Variants in TCF7L2 observed in about 807,000 individuals in gnomAD.
TCF7L2 encodes transcription factor 7-like 2.
A neutral mutation model predicts 77.9 loss-of-function variants in TCF7L2; 23 were observed. The observed-to-expected ratio is 0.30, with a 90% CI of 0.21 to 0.42. TCF7L2 has a LOEUF of 0.42. Ranked by LOEUF, TCF7L2 falls within the 10% of genes least tolerant of loss-of-function variation. The pLI is 1.00. For missense variants in TCF7L2, 654 were observed against 793.1 expected (o/e 0.82, Z 2.11); for synonymous variants, 413 against 340.2 (o/e 1.21, Z -2.36).
chr10:112,992,077 T>A lies in TCF7L2; in HGVS notation c.450+27453T>A, dbSNP rs1008272534. On this transcript the variant is annotated intron_variant, in intron 4 of 13. Transcript: ENST00000627217. ...GTCTGAACAAGAGCTCCGTTGTTCA[T>A]TCCCAGCCCTGTTACCCTGGCAGGA... is the stretch of plus-strand genomic sequence containing the variant. Among the ~76,000 whole-genome samples the A allele has an allele frequency of 3.1e-4, 47 of 152,188 alleles. 1 individual carries two copies. The highest frequency in any genetic ancestry group is 1.1e-3 in the African/African-American group (45 of 41,448).
intron 5 of TCF7L2, among the ~76,000 whole-genome samples, chr10:113,128,809 G>A (rs888888924): frequency 2.0e-5 from 3 of 152,102 alleles, no homozygotes; most frequent in Non-Finnish European, 4.4e-5. Flanking sequence ...ATGTCTGAGT[G>A]TCTCAACTCA....
intron 7 of TCF7L2, 41 bp downstream of exon 7, chr10:113,144,066 A>G (rs1293184385): frequency 6.7e-7 from 1 of 1,486,012 alleles, no homozygotes; most frequent in Admixed American, 1.7e-5. Flanking sequence ...TGTTTCTTAC[A>G]TGGGCATGTT....
At chr10:112,960,531 C>T (rs544545148) in intron 3 of TCF7L2, among the ~76,000 whole-genome samples, 2 of 152,146 alleles carry the variant, frequency 1.3e-5, no homozygotes, top group East Asian at 3.9e-4. Flanking sequence ...CTGGTGACTC[C>T]CTGGGTACTC....
At chr10:113,094,831 G>A (rs1158040648) in intron 5 of TCF7L2, among the ~76,000 whole-genome samples, 1 of 152,050 alleles carries the variant, frequency 6.6e-6, no homozygotes, top group Non-Finnish European at 1.5e-5. Context: ...CCAAAGTTCC[G>A]CTGTTGGCCG....
intron 4 of TCF7L2, among the ~76,000 whole-genome samples, chr10:112,997,543 G>T (rs1348170370): frequency 6.6e-6 from 1 of 152,208 alleles, no homozygotes. Flanking sequence ...GAGGCCCATT[G>T]GCCTTACTGG....
chr10:113,160,688 G>A lies in TCF7L2; in HGVS notation c.1388G>A (p.Cys463Tyr). ...CGACAGACTTTATGGTGCAAACCGTGCAGGTATATTACCACTGCGAGGCCT... is the reference window on the plus strand; with the variant it reads ...CGACAGACTTTATGGTGCAAACCGTACAGGTATATTACCACTGCGAGGCCT... The change falls in exon 13 of 14, where the codon TGC becomes TAC. Residue 463 changes from cysteine to tyrosine, a missense_variant. Coordinates refer to ENST00000627217, the MANE Select transcript of TCF7L2 (RefSeq NM_001146274.2). 1 of 1,590,874 alleles carries A rather than the reference G, an allele frequency of 6.3e-7. No individual in the cohort carries two copies. Among genetic ancestry groups the A allele is most frequent in the Non-Finnish European group, 8.6e-7 (1 of 1,167,958 alleles).
intron 4 of TCF7L2, among the ~76,000 whole-genome samples, chr10:113,026,544 T>C (rs950748159): frequency 6.6e-6 from 1 of 152,230 alleles, no homozygotes; most frequent in Non-Finnish European, 1.5e-5. Context: ...TAGGTCCGTC[T>C]GTAAGAGAGG....
At chr10:112,971,305 T>C (rs1354995679) in intron 4 of TCF7L2, among the ~76,000 whole-genome samples, 1 of 152,036 alleles carries the variant, frequency 6.6e-6, no homozygotes, top group Non-Finnish European at 1.5e-5. Flanking sequence ...TTTTCTTTTA[T>C]TTTTTTTGAG....
At chr10:113,140,345 C>T (rs1338497098) in intron 5 of TCF7L2, among the ~76,000 whole-genome samples, 1 of 152,098 alleles carries the variant, frequency 6.6e-6, no homozygotes, top group Non-Finnish European at 1.5e-5. Flanking sequence ...TTCTTCCCCC[C>T]ACCCTGCCCT....
intron 5 of TCF7L2, among the ~76,000 whole-genome samples, chr10:113,070,860 G>A (rs780226690): frequency 2.0e-5 from 3 of 152,130 alleles, no homozygotes; most frequent in African/African-American, 4.8e-5. Flanking sequence ...CAGGAGTTGT[G>A]CGAGCATCGT....
At chr10:112,955,184 AT>A (rs1460769395) in intron 3 of TCF7L2, among the ~76,000 whole-genome samples, 1 of 152,096 alleles carries the variant, frequency 6.6e-6, no homozygotes, top group Non-Finnish European at 1.5e-5. Context: ...TATTACTGTA[AT>A]TACACAGGTC....
chr10:113,150,186 CA>C (rs139033627), intron 8 of TCF7L2, among the ~76,000 whole-genome samples: 116 of 152,220 alleles, frequency 7.6e-4, no homozygotes, highest in African/African-American at 1.9e-3. Flanking sequence ...TTTTGATAAT[CA>C]TTTAGAAGAC....
intron 8 of TCF7L2, among the ~76,000 whole-genome samples, chr10:113,150,156 A>G (rs2070426602): frequency 6.6e-6 from 1 of 152,214 alleles, no homozygotes; most frequent in Non-Finnish European, 1.5e-5. Flanking sequence ...GAAAACACAA[A>G]CTGTATCTTT....
intron 5 of TCF7L2, among the ~76,000 whole-genome samples, chr10:113,120,472 AC>A (rs1312624542): frequency 6.6e-6 from 1 of 152,182 alleles, no homozygotes; most frequent in African/African-American, 2.4e-5. Flanking sequence ...ATCTTGTAGT[AC>A]TAATAATCAA....
At chr10:113,033,410 C>G (rs1590775520) in intron 4 of TCF7L2, among the ~76,000 whole-genome samples, 2 of 152,154 alleles carry the variant, frequency 1.3e-5, no homozygotes, top group Non-Finnish European at 2.9e-5. Context: ...AGGCACGCGC[C>G]ACCACACTCA....
chr10:113,132,593 T>C (rs1383869567), intron 5 of TCF7L2, among the ~76,000 whole-genome samples: 7 of 152,190 alleles, frequency 4.6e-5, no homozygotes. Flanking sequence ...TGTTTTGAAT[T>C]TGAGCTTTTG....
At position 113,054,727 on chromosome 10, in the gene TCF7L2, T is replaced by TA. The variant is rs549693717; in HGVS notation, c.552+14601_552+14602insA. Among the ~76,000 whole-genome samples the TA allele has an allele frequency of 6.3e-3, 952 of 152,298 alleles. 13 individuals are homozygous for TA. Among genetic ancestry groups the TA allele is most frequent in the African/African-American group, 0.022 (922 of 41,564 alleles). The stretch of plus-strand genomic sequence containing the variant: ...TTAATATGAAAACCGAGTTCAGGTT[T>TA]TTATACTTTTCGACATCTATTTATA... On this transcript the variant is annotated intron_variant, in intron 5 of 13. Coordinates refer to ENST00000627217, the MANE Select transcript of TCF7L2 (RefSeq NM_001146274.2).
chr10:113,146,114 G>A lies in TCF7L2; in HGVS notation c.875+17G>A, dbSNP rs750820646. The A allele has an allele frequency of 1.1e-5, 18 of 1,612,472 alleles. No individual in the cohort carries two copies. Among genetic ancestry groups the A allele is most frequent in the Admixed American group, 8.3e-5 (5 of 59,978 alleles). On this transcript the variant is annotated intron_variant, in intron 8 of 13. Transcript: ENST00000627217. ...CATGTCCAGGTGAGTTCCAAGAACC[G>A]GGGCCTTCATCCAAGGCCATGTGTG...
At chr10:113,129,243 T>G in intron 5 of TCF7L2, 1 of 915,630 alleles carries the variant, frequency 1.1e-6, no homozygotes, top group Non-Finnish European at 1.3e-6. Flanking sequence ...CCCTAAGAAA[T>G]TTGTTTTGAG....
Sources: gnomAD v4.1 joint callset for allele counts (sites outside exome capture counted in the v4.1 genomes callset) on GRCh38, gnomAD v4.1.1 for gene constraint, MANE v1.5 for transcripts, NCBI Gene and HGNC (gene_info 2026-07-23, HGNC 2026-07-21) for gene names.